Variants in AGL observed in about 807,000 individuals in gnomAD.
AGL encodes the protein amylo-alpha-1,6-glucosidase and 4-alpha-glucanotransferase.
Under a neutral mutation model 199.3 loss-of-function variants are expected in AGL, and 128 were observed. The observed-to-expected ratio is 0.64, with a 90% CI of 0.56 to 0.74. The LOEUF is 0.74. Among genes scored for constraint, AGL ranks in the 30% least tolerant of loss-of-function variants. The probability of loss-of-function intolerance (pLI) is 0.00; values close to 1 mark genes in which losing one functional copy is unlikely to be tolerated. For synonymous variants in AGL, 584 were observed against 594.7 expected, an observed-to-expected ratio of 0.98 and a Z score of 0.26; for missense variants, 1,809 against 1,820.8, an observed-to-expected ratio of 0.99 and a Z score of 0.12.
intron 21 of AGL, among the ~76,000 whole-genome samples, chr1:99,889,115 A>G (rs926465075): frequency 6.6e-6 from 1 of 152,184 alleles, no homozygotes; most frequent in Non-Finnish European, 1.5e-5. Flanking sequence ...TACCTACCAC[A>G]GGGATTATGG....
intron 5 of AGL, among the ~76,000 whole-genome samples, chr1:99,870,141 A>G (rs1650864248): frequency 6.6e-6 from 1 of 152,100 alleles, no homozygotes; most frequent in South Asian, 2.1e-4. Flanking sequence ...AGTGTTACCT[A>G]TGAGAGAGTT....
chr1:99,896,794 G>GT (rs528025379), intron 25 of AGL, among the ~76,000 whole-genome samples: 6 of 151,700 alleles, frequency 4.0e-5, no homozygotes, highest in East Asian at 3.9e-4. Flanking sequence ...ACTTAAAATG[G>GT]TTTTTTTTGT....
intron 2 of AGL, among the ~76,000 whole-genome samples, chr1:99,857,849 G>GGAGGCGGT (rs1649688391): frequency 7.5e-6 from 1 of 133,106 alleles, no homozygotes; most frequent in African/African-American, 2.8e-5. Context: ...GGAGGGGGAG[G>GGAGGCGGT]GGGGAAGAGG....
intron 25 of AGL, among the ~76,000 whole-genome samples, chr1:99,899,782 G>A (rs1293716321): frequency 3.3e-5 from 5 of 151,728 alleles, no homozygotes; most frequent in South Asian, 2.1e-4. Context: ...CACTACGCCC[G>A]GCTAATTTTT....
At chr1:99,861,081 T>C (rs1649991539) in intron 2 of AGL, 3 of 654,004 alleles carry the variant, frequency 4.6e-6, no homozygotes, top group Non-Finnish European at 6.0e-6. Context: ...ATCACATACT[T>C]TCTGACACCA....
At chr1:99,888,216 A>C in intron 21 of AGL, 108 bp downstream of exon 21, 1 of 1,416,302 alleles carries the variant, frequency 7.1e-7, no homozygotes, top group Non-Finnish European at 9.8e-7. Context: ...TTGGGTTGCA[A>C]TTATGGCTCT....
At chr1:99,918,931 TGA>T (rs1655322331) in intron 33 of AGL, among the ~76,000 whole-genome samples, 1 of 152,202 alleles carries the variant, frequency 6.6e-6, no homozygotes, top group Non-Finnish European at 1.5e-5. Context: ...TGACGCTGTA[TGA>T]GTGCCACATA....
At chr1:99,905,876 C>CA (rs1654246705) in intron 27 of AGL, among the ~76,000 whole-genome samples, 1 of 152,144 alleles carries the variant, frequency 6.6e-6, no homozygotes, top group African/African-American at 2.4e-5. Flanking sequence ...CCACTGAGCT[C>CA]AATCTCTTTT....
rs1274491724 is a variant in AGL, at chr1:99,896,317, C to T, written c.3291C>T (p.Arg1097=). 6.2e-7 allele frequency: 1 copy of T among 1,613,916 alleles called. No individual in the cohort carries two copies. The highest frequency in any genetic ancestry group is 8.5e-7 in the Non-Finnish European group (1 of 1,179,946). The change falls in exon 25 of 34, where the codon CGC becomes CGT. Residue 1097 remains arginine, a synonymous_variant. Transcript: ENST00000361915. ...GLPHFSSGIF[R]CWGRDTFIAL... ...CTCATTTTTCTTCTGGTATTTTCCG[C>T]TGCTGGGGAAGGGATACTTTTATTG...
chr1:99,902,603 T>G, intron 26 of AGL, 80 bp from the exon 27 acceptor site: 7 of 1,128,088 alleles, frequency 6.2e-6, no homozygotes, highest in Non-Finnish European at 9.4e-6. Context: ...TATTTTCACA[T>G]TACTTCAGTT....
At position 99,880,794 on chromosome 1, in the gene AGL, T is replaced by C. The variant is rs1267549281; in HGVS notation, c.1898T>C (p.Val633Ala). 92 of 1,613,824 alleles carry C rather than the reference T, an allele frequency of 5.7e-5. No homozygotes were observed. Among genetic ancestry groups the C allele is most frequent in the Non-Finnish European group, 7.6e-5 (90 of 1,179,868 alleles). ...ACGCATGATAATGAGTGTCCTATTG[T>C]GGTAAGCACCTAATCTTTTTCATGT... ...DITHDNECPI[V>A]HRSAYDALPS... The change falls in exon 14 of 34, where the codon GTG becomes GCG. Residue 633 changes from valine to alanine, a missense_variant and splice_region_variant. Transcript: ENST00000361915.
chr1:99,916,746 G>C lies in AGL; in HGVS notation c.4481+15G>C. The C allele has an allele frequency of 6.2e-7, 1 of 1,611,656 alleles. No individual in the cohort carries two copies. Among genetic ancestry groups the C allele is most frequent in the Non-Finnish European group, 8.5e-7 (1 of 1,178,118 alleles). Reference sequence around the variant, plus strand: ...CATCTTGAGAGGTAAGTCATCAGGAGCATGTAATTTCCATAACTAGTGTTT... The same window carrying C: ...CATCTTGAGAGGTAAGTCATCAGGACCATGTAATTTCCATAACTAGTGTTT... On this transcript the variant is annotated intron_variant, in intron 33 of 33. Coordinates refer to ENST00000361915, the MANE Select transcript of AGL (RefSeq NM_000642.3).
intron 10 of AGL, 104 bp downstream of exon 10, chr1:99,875,559 C>A: frequency 1.0e-6 from 1 of 965,164 alleles, no homozygotes; most frequent in Non-Finnish European, 1.6e-6. Flanking sequence ...GAGTTCAGTA[C>A]ATTTCTTAAA....
At chr1:99,875,035 C>T (rs1316844398) in intron 8 of AGL, 119 bp from the exon 9 acceptor site, 3 of 1,056,716 alleles carry the variant, frequency 2.8e-6, no homozygotes, top group Non-Finnish European at 4.2e-6. Context: ...ACATCATCAG[C>T]CATAATTGAA....
chr1:99,891,815 T>G, intron 23 of AGL, 76 bp downstream of exon 23: 1 of 1,547,118 alleles, frequency 6.5e-7, no homozygotes, highest in Non-Finnish European at 8.9e-7. Context: ...TACATGTTCT[T>G]AAAAAACCAA....
At chr1:99,877,370 T>C (rs974766967) in intron 11 of AGL, among the ~76,000 whole-genome samples, 1 of 152,210 alleles carries the variant, frequency 6.6e-6, no homozygotes, top group Non-Finnish European at 1.5e-5. Flanking sequence ...ATATTAACAT[T>C]TCTGTTTTCC....
At chr1:99,855,362 C>G (rs905515690) in intron 2 of AGL, among the ~76,000 whole-genome samples, 39 of 147,692 alleles carry the variant, frequency 2.6e-4, no homozygotes, top group African/African-American at 9.2e-4. Flanking sequence ...TCTCTCTTTT[C>G]TACAAGAAGG....
intron 20 of AGL, among the ~76,000 whole-genome samples, chr1:99,886,023 C>G (rs1242901506): frequency 6.6e-6 from 1 of 152,048 alleles, no homozygotes. Context: ...CAAATTTTCT[C>G]CAGAAAGATT....
chr1:99,850,614 C>T (rs1256827538), intron 1 of AGL, 199 bp downstream of exon 1: 1 of 198,354 alleles, frequency 5.0e-6, no homozygotes, highest in African/African-American at 2.4e-5. Context: ...GCAGACTAAT[C>T]TCTTGTAAGC....
Sources: allele counts gnomAD v4.1 joint callset (sites outside exome capture counted in the v4.1 genomes callset), GRCh38; gene constraint gnomAD v4.1.1; transcripts MANE v1.5; gene names NCBI Gene and HGNC (gene_info 2026-07-23, HGNC 2026-07-21).